Variants in EPS8L1 observed in about 807,000 individuals in gnomAD.
EPS8L1 encodes the protein epidermal growth factor receptor kinase substrate 8-like protein 1.
EPS8L1 carries 101 observed loss-of-function variants against 91.7 expected under a neutral mutation model. The ratio of observed to expected loss-of-function variants is 1.10; its 90% CI spans 0.94 to 1.30. The LOEUF is 1.30. Ranked by LOEUF, EPS8L1 falls within the 50% of genes most tolerant of loss-of-function variation. The pLI is 0.00. For synonymous variants in EPS8L1, 506 were observed against 445.3 expected, an observed-to-expected ratio of 1.14 and a Z score of -1.72; for missense variants, 1,114 against 1,017.0, an observed-to-expected ratio of 1.10 and a Z score of -1.30.
chr19:55,082,731 G>T, intron 12 of EPS8L1, 129 bp downstream of exon 12: 1 of 870,934 alleles, frequency 1.1e-6, no homozygotes, highest in Admixed American at 2.9e-5. Flanking sequence ...TGGCTTAGTT[G>T]TGTTGGGGCG....
chr19:55,083,230 G>GCTACC lies in EPS8L1; in HGVS notation c.1215-147_1215-143dup. 9.3e-7 allele frequency: 1 copy of GCTACC among 1,074,410 alleles called. No individual in the cohort carries two copies. Among genetic ancestry groups the GCTACC allele is most frequent in the South Asian group, 1.6e-5 (1 of 63,048 alleles). 66.6% of individuals were successfully genotyped at this position (1,074,410 alleles called of 1,614,324 possible). On this transcript the variant is annotated intron_variant, in intron 12 of 19. Transcript: ENST00000201647. This position sits in a 1 kb window ranked among gnomAD's most constrained non-coding sequence, Gnocchi z 4.7. Reference sequence around the variant, plus strand: ...AAATTGCTGTTGAGTTGGGCTTAGAGCTACCGGCAGGACTTGGTGAAAAGT... The same window carrying GCTACC: ...AAATTGCTGTTGAGTTGGGCTTAGAGCTACCCTACCGGCAGGACTTGGTGAAAAGT...
At position 55,079,779 on chromosome 19, in the gene EPS8L1, C is replaced by A. The variant is rs747796087; in HGVS notation, c.207C>A (p.Gly69=). 1.2e-6 allele frequency: 2 copies of A among 1,613,976 alleles called. No individual in the cohort carries two copies. Among genetic ancestry groups the A allele is most frequent in the African/African-American group, 2.7e-5 (2 of 74,910 alleles). The change falls in exon 5 of 20, where the codon GGC becomes GGA. Residue 69 remains glycine, a synonymous_variant. Coordinates refer to ENST00000201647, the MANE Select transcript of EPS8L1 (RefSeq NM_133180.3). ...SRKLAVMDSQ[G]RVWAQEMLLR... The stretch of plus-strand genomic sequence containing the variant: ...AGTTGGCCGTCATGGATAGCCAGGG[C>A]CGAGTCTGGGCACAGGAGATGCTGC...
chr19:55,081,143 G>A lies in EPS8L1; in HGVS notation c.513-88G>A. The A allele has an allele frequency of 7.1e-7, 1 of 1,407,806 alleles. No individual in the cohort carries two copies. The highest frequency in any genetic ancestry group is 9.3e-7 in the Non-Finnish European group (1 of 1,075,024). The allele number at this position is 1,407,806 out of a possible 1,614,324, so 87.2% of individuals were successfully genotyped here. ...TGTTCACTCCCTTTGAGCCTTTTGAGCCTGTGTGTCTCGTTCTGCGCCCTG... is the reference window on the plus strand; with the variant it reads ...TGTTCACTCCCTTTGAGCCTTTTGAACCTGTGTGTCTCGTTCTGCGCCCTG... On this transcript the variant is annotated intron_variant, in intron 7 of 19. Transcript: ENST00000201647. The surrounding 1 kb of genome is among the most constrained non-coding windows in gnomAD (Gnocchi z 4.9).
chr19:55,087,196 G>A, intron 18 of EPS8L1, 107 bp from the exon 19 acceptor site: 2 of 1,457,004 alleles, frequency 1.4e-6, no homozygotes, highest in Non-Finnish European at 1.8e-6. Context: ...CCCCGCTAGA[G>A]CTAGAATGCT....
rs966798529 is a variant in EPS8L1, at chr19:55,082,622, G to A, written c.1214+20G>A. 3.2e-6 allele frequency: 5 copies of A among 1,546,790 alleles called. No homozygotes were observed. In the African/African-American group the frequency reaches 6.9e-5, roughly 21 times the overall value. ...CCCCGGGTGAGGGGCGGGGCTGGGA[G>A]GCAGGGGGCATGGTGATTGGAGGAG... On this transcript the variant is annotated intron_variant, in intron 12 of 19. Coordinates refer to ENST00000201647, the MANE Select transcript of EPS8L1 (RefSeq NM_133180.3).
chr19:55,084,385 G>A (rs1488874384), intron 14 of EPS8L1: 1 of 152,804 alleles, frequency 6.5e-6, no homozygotes, highest in Non-Finnish European at 1.5e-5. Flanking sequence ...ACCAAGCAGT[G>A]GGGGCTCAGA....
rs1393412383 is a variant in EPS8L1, at chr19:55,086,511, C to T, written c.1770C>T (p.Ser590=). The change falls in exon 17 of 20, where the codon AGC becomes AGT. Residue 590 remains serine (S), a synonymous_variant. Transcript: ENST00000201647. ...SCDSLNGLDP[S]EKEKFSQMLI... is the part of the protein sequence containing the mutation. ...ATAGCCTCAACGGCTTGGACCCCAG[C>T]GAGAAGGGTGAGTGGTGGGGACGCC... is the stretch of plus-strand genomic sequence containing the variant. The T allele has an allele frequency of 1.3e-6, 2 of 1,551,192 alleles. No individual in the cohort carries two copies. Among genetic ancestry groups the T allele is most frequent in the Admixed American group, 2.0e-5 (1 of 50,996 alleles).
At chr19:55,080,370 G>A (rs959218635) in intron 6 of EPS8L1, 92 bp downstream of exon 6, 10 of 1,550,524 alleles carry the variant, frequency 6.4e-6, no homozygotes, top group Admixed American at 2.0e-5. Flanking sequence ...GGTGGGGCGG[G>A]GCCTGGGGCT....
chr19:55,082,614 G>A lies in EPS8L1; in HGVS notation c.1214+12G>A, dbSNP rs2076294413. 1 of 1,551,944 alleles carries A rather than the reference G, an allele frequency of 6.4e-7. No individual in the cohort carries two copies. ...TGGACCCGCCCCGGGTGAGGGGCGG[G>A]GCTGGGAGGCAGGGGGCATGGTGAT... On this transcript the variant is annotated intron_variant, in intron 12 of 19. Transcript: ENST00000201647.
Position 55,081,312 on chromosome 19 carries a change from A to T in EPS8L1, c.594A>T (p.Ala198=). Residue 198 remains alanine, a synonymous_variant, in exon 8 of 20, where the codon GCA becomes GCT. Transcript: ENST00000201647. The surrounding 1 kb of genome is among the most constrained non-coding windows in gnomAD (Gnocchi z 4.9). ...PPLQRRPSVR[A]VISTVERGAG... ...TGCAGCGCCGCCCGTCAGTCCGCGC[A>T]GTGATCAGCACCGTAGAGCGGGGCG... 6.4e-7 allele frequency: 1 copy of T among 1,554,018 alleles called. No homozygotes were observed. The highest frequency in any genetic ancestry group is 8.6e-7 in the Non-Finnish European group (1 of 1,156,210).
In EPS8L1 at chr19:55,081,302, C is replaced by T; in HGVS notation, c.584C>T (p.Ser195Leu). Residue 195 changes from serine (S) to leucine (L), a missense_variant, in exon 8 of 20, where the codon TCA (serine) becomes TTA (leucine). Coordinates refer to ENST00000201647, the MANE Select transcript of EPS8L1 (RefSeq NM_133180.3). The surrounding 1 kb of genome is among the most constrained non-coding windows in gnomAD (Gnocchi z 4.9). ...ACCCCGCCCCTGCAGCGCCGCCCGT[C>T]AGTCCGCGCAGTGATCAGCACCGTA... ...AETPPLQRRP[S>L]VRAVISTVER... is the part of the protein sequence containing the mutation. 6.5e-7 allele frequency: 1 copy of T among 1,547,708 alleles called. No individual in the cohort carries two copies. The highest frequency in any genetic ancestry group is 2.0e-5 in the Admixed American group (1 of 50,450).
At chr19:55,086,658 C>T (rs1408097291) in intron 17 of EPS8L1, 56 bp from the exon 18 acceptor site, 1 of 1,120,844 alleles carries the variant, frequency 8.9e-7, no homozygotes, top group Non-Finnish European at 1.3e-6. Context: ...GCCCTCTGGC[C>T]CCAGGACCCC....
At position 55,083,271 on chromosome 19, in the gene EPS8L1, G is replaced by A; in HGVS notation, c.1215-107G>A. The A allele has an allele frequency of 7.0e-7, 1 of 1,423,464 alleles. No homozygotes were observed. Among genetic ancestry groups the A allele is most frequent in the Non-Finnish European group, 9.4e-7 (1 of 1,059,158 alleles). 88.2% of individuals were successfully genotyped at this position (1,423,464 alleles called of 1,614,324 possible). ...GGTGAAAAGTGGCGGGGCTAGAATC[G>A]TTGGAATACAGCGAGCTTTAGGGGA... On this transcript the variant is annotated intron_variant, in intron 12 of 19. Coordinates refer to ENST00000201647, the MANE Select transcript of EPS8L1 (RefSeq NM_133180.3). The surrounding 1 kb of genome is among the most constrained non-coding windows in gnomAD (Gnocchi z 4.7).
At position 55,081,511 on chromosome 19, in the gene EPS8L1, G is replaced by T; in HGVS notation, c.774+19G>T. On this transcript the variant is annotated intron_variant, in intron 8 of 19. Coordinates refer to ENST00000201647, the MANE Select transcript of EPS8L1 (RefSeq NM_133180.3). This position sits in a 1 kb window ranked among gnomAD's most constrained non-coding sequence, Gnocchi z 4.9. ...GGAAGTGGTGAGCCGCTAAGGAAGG[G>T]GTCTGGGGGCAGGGCCAGGCGACTG... 2 of 1,551,732 alleles carry T rather than the reference G, an allele frequency of 1.3e-6. No individual in the cohort carries two copies. Among genetic ancestry groups the T allele is most frequent in the Non-Finnish European group, 1.7e-6 (2 of 1,150,774 alleles).
In EPS8L1 at chr19:55,087,613, G is replaced by T; in HGVS notation, c.2171G>T (p.Ter724LeuextTer24). The change falls in exon 20 of 20, where the codon TGA becomes TTA. Residue 724 changes from the stop codon to leucine, a stop_lost. Transcript: ENST00000201647. The part of the protein sequence containing the change: ...VEGEVEMEVI[*>L] ...GGCGAGGTGGAAATGGAGGTCATTT[G>T]ACCTGCCAGGCGCCCTTCGCAAAGA... 4 of 1,614,110 alleles carry T rather than the reference G, an allele frequency of 2.5e-6. No individual in the cohort carries two copies. The South Asian group carries it at 4.4e-5, about 18-fold the overall frequency.
At chr19:55,086,677 A>G (rs758522299) in intron 17 of EPS8L1, 37 bp from the exon 18 acceptor site, 2 of 1,277,758 alleles carry the variant, frequency 1.6e-6, no homozygotes, top group Admixed American at 1.9e-5. Flanking sequence ...CCTCGCCCTG[A>G]GCCCGCACTC....
At position 55,081,437 on chromosome 19, in the gene EPS8L1, C is replaced by G. The variant is rs777409606; in HGVS notation, c.719C>G (p.Pro240Arg). ...GTSSNADSAS[P>R]DLGPRGPDLA... ...TCGAGCAACGCTGACTCGGCCTCCC[C>G]GGACCTGGGTCCCCGGGGTCCTGAC... Residue 240 changes from proline to arginine, a missense_variant, in exon 8 of 20, where the codon CCG becomes CGG. Physicochemically the swap from Pro to Arg is moderately radical, Grantham distance 103. Coordinates refer to ENST00000201647, the MANE Select transcript of EPS8L1 (RefSeq NM_133180.3). This position sits in a 1 kb window ranked among gnomAD's most constrained non-coding sequence, Gnocchi z 4.9. 14 of 1,602,258 alleles carry G rather than the reference C, an allele frequency of 8.7e-6. No homozygotes were observed. The highest frequency in any genetic ancestry group is 1.3e-5 in the African/African-American group (1 of 74,652).
At chr19:55,086,651 C>G in intron 17 of EPS8L1, 63 bp from the exon 18 acceptor site, 2 of 1,498,074 alleles carry the variant, frequency 1.3e-6, no homozygotes. Context: ...CCGCCCCGCC[C>G]TCTGGCCCCA....
rs1723459616 is a variant in EPS8L1, at chr19:55,083,893, G to A, written c.1385+249G>A. The A allele has an allele frequency of 1.6e-6, 1 of 642,040 alleles. No individual in the cohort carries two copies. Among genetic ancestry groups the A allele is most frequent in the Non-Finnish European group, 2.8e-6 (1 of 361,844 alleles). The allele number at this position is 642,040 out of a possible 1,614,324, so 39.8% of individuals were successfully genotyped here. ...GGAGACCCGGATTCCTGGGCCTAAG[G>A]GAGGAAGGGGGCTGGGAGTGGGTAA... On this transcript the variant is annotated intron_variant, in intron 14 of 19. Transcript: ENST00000201647. This position sits in a 1 kb window ranked among gnomAD's most constrained non-coding sequence, Gnocchi z 4.7.
Sources: gnomAD v4.1 joint callset for allele counts on GRCh38, gnomAD v4.1.1 for gene constraint, Gnocchi (gnomAD v3.1) non-coding constraint, MANE v1.5 for transcripts, NCBI Gene and HGNC (gene_info 2026-07-23, HGNC 2026-07-21) for gene names.